Variants in CCDC91 observed in about 807,000 individuals in gnomAD.
CCDC91 encodes coiled-coil domain containing 91.
CCDC91 carries 48 observed loss-of-function variants against 63.2 expected under a neutral mutation model. That is an observed-to-expected ratio of 0.76 (90% confidence interval 0.60 to 0.97). The LOEUF is 0.97. Among genes scored for constraint, CCDC91 ranks in the 50% least tolerant of loss-of-function variants. CCDC91 has a pLI of 0.00. For synonymous variants in CCDC91, 167 were observed against 165.8 expected (o/e 1.01, Z -0.06); for missense variants, 500 against 494.6 (o/e 1.01, Z -0.10).
chr12:28,525,166 C>T (rs1941149194), intron 12 of CCDC91, among the ~76,000 whole-genome samples: 1 of 151,998 alleles, frequency 6.6e-6, no homozygotes, highest in Non-Finnish European at 1.5e-5. Context: ...GTTCTTACTT[C>T]TCTAGTTCCT....
intron 12 of CCDC91, among the ~76,000 whole-genome samples, chr12:28,496,382 G>A (rs1347854738): frequency 6.6e-6 from 1 of 151,462 alleles, no homozygotes; most frequent in Non-Finnish European, 1.5e-5. Context: ...TCAAAGTCTC[G>A]CACATTTGAC....
At chr12:28,342,292 G>A (rs900103980) in intron 6 of CCDC91, among the ~76,000 whole-genome samples, 21 of 152,112 alleles carry the variant, frequency 1.4e-4, no homozygotes, top group Admixed American at 1.2e-3. Context: ...AGTGAGACAT[G>A]TTGACTTCTG....
At chr12:28,298,036 C>G (rs879780704) in intron 3 of CCDC91, among the ~76,000 whole-genome samples, 1 of 151,616 alleles carries the variant, frequency 6.6e-6, no homozygotes, top group Non-Finnish European at 1.5e-5. Flanking sequence ...TGTAGCATAG[C>G]AAAAACTGTA....
intron 12 of CCDC91, among the ~76,000 whole-genome samples, chr12:28,528,373 C>G (rs1402366083): frequency 1.3e-5 from 2 of 152,176 alleles, no homozygotes; most frequent in Non-Finnish European, 2.9e-5. Flanking sequence ...AGGTTAGAAT[C>G]TTTTCCCATC....
intron 7 of CCDC91, among the ~76,000 whole-genome samples, chr12:28,366,225 G>C (rs186681104): frequency 6.6e-6 from 1 of 151,990 alleles, no homozygotes; most frequent in South Asian, 2.1e-4. Context: ...ACAGAAACAG[G>C]CAGACTAGCT....
At chr12:28,498,033 CCTT>C (rs1952403758) in intron 12 of CCDC91, among the ~76,000 whole-genome samples, 1 of 151,714 alleles carries the variant, frequency 6.6e-6, no homozygotes, top group South Asian at 2.1e-4. Flanking sequence ...CATGCCCTCT[CCTT>C]CTGCTCTTAG....
At chr12:28,323,032 A>G (rs1940666357) in intron 6 of CCDC91, among the ~76,000 whole-genome samples, 2 of 151,146 alleles carry the variant, frequency 1.3e-5, no homozygotes, top group Admixed American at 1.3e-4. Context: ...TAAGTGATTT[A>G]TAAGAACCTT....
At chr12:28,464,001 C>A (rs1488841568) in intron 11 of CCDC91, among the ~76,000 whole-genome samples, 1 of 152,052 alleles carries the variant, frequency 6.6e-6, no homozygotes, top group Non-Finnish European at 1.5e-5. Context: ...CTGACACCAC[C>A]CCTCCCCATC....
intron 6 of CCDC91, among the ~76,000 whole-genome samples, chr12:28,327,898 C>A (rs1283946426): frequency 1.3e-5 from 2 of 152,014 alleles, no homozygotes; most frequent in African/African-American, 4.8e-5. Context: ...GAACTTCTGA[C>A]CTCAGGCATC....
At position 28,305,759 on chromosome 12, in the gene CCDC91, A is replaced by C. The variant is rs1185591799; in HGVS notation, c.220A>C (p.Thr74Pro). Residue 74 changes from threonine (T) to proline (P), a missense_variant, in exon 4 of 13, where the codon ACA becomes CCA. Thr to Pro is a conservative substitution (Grantham distance 38, BLOSUM62 -1). Coordinates refer to ENST00000536442, the MANE Select transcript of CCDC91 (RefSeq NM_018318.5). ...SDAIISSPEN[T>P]HAANSIVSQT... ...TGCCATTATTTCATCACCAGAGAAT[A>C]CACATGCAGCAAATAGCATTGTGAG... 3.7e-6 allele frequency: 6 copies of C among 1,613,058 alleles called. No individual in the cohort carries two copies. Among genetic ancestry groups the C allele is most frequent in the Non-Finnish European group, 5.1e-6 (6 of 1,179,400 alleles).
chr12:28,413,844 C>T (rs935554493), intron 8 of CCDC91, among the ~76,000 whole-genome samples: 11 of 152,182 alleles, frequency 7.2e-5, no homozygotes, highest in Non-Finnish European at 1.2e-4. Context: ...TTTTCCTGGA[C>T]AGTAAACAAG....
intron 1 of CCDC91, among the ~76,000 whole-genome samples, chr12:28,245,036 A>G (rs1945635223): frequency 6.6e-6 from 1 of 152,060 alleles, no homozygotes; most frequent in African/African-American, 2.4e-5. Flanking sequence ...TATTGAATGC[A>G]CCTAACAAGA....
chr12:28,364,481 A>C, intron 7 of CCDC91, among the ~76,000 whole-genome samples: 1 of 152,340 alleles, frequency 6.6e-6, no homozygotes, highest in East Asian at 1.9e-4. Flanking sequence ...TGTTAATGTA[A>C]ACCAGTTTTA....
At chr12:28,522,636 T>C (rs1394751127) in intron 12 of CCDC91, among the ~76,000 whole-genome samples, 1 of 152,208 alleles carries the variant, frequency 6.6e-6, no homozygotes, top group African/African-American at 2.4e-5. Context: ...TGTTTGCTCT[T>C]GCTTCTCTAG....
intron 7 of CCDC91, among the ~76,000 whole-genome samples, chr12:28,368,130 C>T (rs1944392294): frequency 6.6e-6 from 1 of 151,992 alleles, no homozygotes; most frequent in South Asian, 2.1e-4. Flanking sequence ...GCTAAACTTC[C>T]CTCAACCAAA....
chr12:28,198,215 T>C (rs1941931893), intron 1 of CCDC91, among the ~76,000 whole-genome samples: 1 of 152,180 alleles, frequency 6.6e-6, no homozygotes, highest in African/African-American at 2.4e-5. Flanking sequence ...AAAGAGTAGG[T>C]CTACATAGTC....
At chr12:28,525,204 G>T (rs1348639119) in intron 12 of CCDC91, among the ~76,000 whole-genome samples, 1 of 151,928 alleles carries the variant, frequency 6.6e-6, no homozygotes. Flanking sequence ...TTATCTGTTT[G>T]TGCTCTTTCA....
At chr12:28,202,092 ATGTT>A (rs765277435) in intron 1 of CCDC91, among the ~76,000 whole-genome samples, 20 of 151,750 alleles carry the variant, frequency 1.3e-4, no homozygotes, top group Non-Finnish European at 2.7e-4. Context: ...TAATTCCACA[ATGTT>A]TGTTTCTTTA....
At chr12:28,501,324 T>G (rs1438055970) in intron 12 of CCDC91, among the ~76,000 whole-genome samples, 2 of 151,924 alleles carry the variant, frequency 1.3e-5, no homozygotes, top group Non-Finnish European at 2.9e-5. Flanking sequence ...GCCCATTCAG[T>G]ATGATATTGG....
Sources: gnomAD v4.1 joint callset for allele counts (sites outside exome capture counted in the v4.1 genomes callset) on GRCh38, gnomAD v4.1.1 for gene constraint, MANE v1.5 for transcripts, NCBI Gene and HGNC (gene_info 2026-07-23, HGNC 2026-07-21) for gene names.